DGLUCY: variants seen among roughly 807,000 people sequenced by gnomAD.
DGLUCY encodes D-glutamate cyclase.
A neutral mutation model predicts 58.5 loss-of-function variants in DGLUCY; 58 were observed. That is an observed-to-expected ratio of 0.99 (90% CI 0.80 to 1.23). The LOEUF (loss-of-function observed/expected upper bound fraction) is 1.23, where lower values mean the gene tolerates loss of function less well. Among genes scored for constraint, DGLUCY ranks in the 50% most tolerant of loss-of-function variants. DGLUCY has a pLI of 0.00. For missense variants in DGLUCY, 779 were observed against 784.7 expected, an observed-to-expected ratio of 0.99 and a Z score of 0.09; for synonymous variants, 325 against 314.1, an observed-to-expected ratio of 1.03 and a Z score of -0.37.
chr14:91,155,231 G>T (rs1387184994), intron 1 of DGLUCY, among the ~76,000 whole-genome samples: 1 of 152,214 alleles, frequency 6.6e-6, no homozygotes, highest in Non-Finnish European at 1.5e-5. Flanking sequence ...CTGTGAGTGT[G>T]GGCTGTGACT....
intron 5 of DGLUCY, 58 bp from the exon 6 acceptor site, chr14:91,173,231 A>T: frequency 6.3e-7 from 1 of 1,591,184 alleles, no homozygotes; most frequent in Non-Finnish European, 8.6e-7. Context: ...CAGAGCTTGG[A>T]TCTGTGCTAA....
chr14:91,224,584 A>G lies in DGLUCY; in HGVS notation c.1717-100A>G. On this transcript the variant is annotated intron_variant, in intron 13 of 13. Coordinates refer to ENST00000256324, the MANE Select transcript of DGLUCY (RefSeq NM_001102368.3). Reference sequence around the variant, plus strand: ...AATTTTACTTTTTTAAAAAGCAAGTATGTCAAGGCAAAGGATCCTTCTCAC... The same window carrying G: ...AATTTTACTTTTTTAAAAAGCAAGTGTGTCAAGGCAAAGGATCCTTCTCAC... The G allele has an allele frequency of 3.9e-6, 5 of 1,296,674 alleles. No individual in the cohort carries two copies. In the South Asian group the frequency reaches 6.8e-5, roughly 18 times the overall value. 80.3% of individuals were successfully genotyped at this position (1,296,674 alleles called of 1,614,324 possible). A position where few individuals can be genotyped will look rare whatever the true frequency, so the allele number is the denominator to read the frequency against.
intron 1 of DGLUCY, among the ~76,000 whole-genome samples, chr14:91,132,277 A>G (rs1323740511): frequency 6.6e-6 from 1 of 152,260 alleles, no homozygotes; most frequent in Non-Finnish European, 1.5e-5. Context: ...AATATTAATT[A>G]CTATGGGCAG....
intron 11 of DGLUCY, among the ~76,000 whole-genome samples, chr14:91,200,541 G>A (rs116453840): frequency 0.016 from 2,387 of 152,232 alleles, 26 homozygotes; most frequent in Admixed American, 0.024. Flanking sequence ...ATTTTGTGAA[G>A]CATGTTAATT....
rs34748911 is a variant in DGLUCY at position 91,224,730 on chromosome 14, G to A, written c.1763G>A (p.Gly588Asp). The A allele has an allele frequency of 1.9e-3, 3,055 of 1,613,314 alleles. 55 individuals carry two copies. The African/African-American group carries it at 0.036, about 19-fold the overall frequency. The change falls in exon 14 of 14, where the codon GGC becomes GAC. Residue 588 changes from glycine to aspartate, a missense_variant. Physicochemically the swap from Gly to Asp is moderately conservative, Grantham distance 94. Coordinates refer to ENST00000256324, the MANE Select transcript of DGLUCY (RefSeq NM_001102368.3). Reference protein sequence around the residue: ...GILVQHKVRSGVSGIVGMEVD... With the variant: ...GILVQHKVRSDVSGIVGMEVD... ...TTGGTGCAGCACAAAGTCCGGAGTGGCGTCTCGGGCATCGTGGGCATGGAG... is the reference window on the plus strand; with the variant it reads ...TTGGTGCAGCACAAAGTCCGGAGTGACGTCTCGGGCATCGTGGGCATGGAG...
chr14:91,215,885 A>G (rs1248881628), intron 13 of DGLUCY: 3 of 604,914 alleles, frequency 5.0e-6, no homozygotes, highest in African/African-American at 3.9e-5. Flanking sequence ...TGCCTCACCC[A>G]TGGTGGGTAC....
chr14:91,081,671 G>C (rs550922714), intron 1 of DGLUCY, among the ~76,000 whole-genome samples: 1 of 152,070 alleles, frequency 6.6e-6, no homozygotes, highest in Non-Finnish European at 1.5e-5. Context: ...TCCTTGCCTT[G>C]TGGCTCCTTT....
In DGLUCY at chr14:91,123,572, C is replaced by T. The variant is rs539874677; in HGVS notation, c.-82+9289C>T. Among the ~76,000 whole-genome samples, 12 of 152,092 alleles carry T rather than the reference C, an allele frequency of 7.9e-5. No individual in the cohort carries two copies. The South Asian group carries it at 2.5e-3, about 32-fold the overall frequency. On this transcript the variant is annotated intron_variant, in intron 1 of 13. Coordinates refer to ENST00000256324, the MANE Select transcript of DGLUCY (RefSeq NM_001102368.3). ...TGCATCAAGTTTAGGTCCATTGTAA[C>T]AGCACTTTAGGTTGTTTCTGATTAT...
At chr14:91,145,873 CTT>C (rs1266533703) in intron 1 of DGLUCY, among the ~76,000 whole-genome samples, 18 of 152,040 alleles carry the variant, frequency 1.2e-4, no homozygotes, top group Admixed American at 1.2e-3. Context: ...CCTTTTCCCT[CTT>C]TAATTTTCTT....
At chr14:91,217,576 C>G (rs767479318) in intron 13 of DGLUCY, among the ~76,000 whole-genome samples, 5 of 151,884 alleles carry the variant, frequency 3.3e-5, no homozygotes, top group African/African-American at 7.3e-5. Flanking sequence ...CCTCCACCCC[C>G]CAAGTTCAAG....
Position 91,202,545 on chromosome 14 carries a change from C to T in DGLUCY, c.1445-2161C>T, listed in dbSNP as rs148290853. Among the ~76,000 whole-genome samples, 1,029 of 152,262 alleles carry T rather than the reference C, an allele frequency of 6.8e-3. 7 individuals carry two copies. Among genetic ancestry groups the T allele is most frequent in the Non-Finnish European group, 0.011 (750 of 68,018 alleles). On this transcript the variant is annotated intron_variant, in intron 11 of 13. Coordinates refer to ENST00000256324, the MANE Select transcript of DGLUCY (RefSeq NM_001102368.3). ...GGCTGTGGGTGTGGTGCACACAGTG[C>T]GGTTGGCTTCCAGCTTCCTGTTGGC... is the stretch of plus-strand genomic sequence containing the variant.
chr14:91,154,700 C>T (rs35016693), intron 1 of DGLUCY, among the ~76,000 whole-genome samples: 62,149 of 152,016 alleles, frequency 0.41, 15,539 homozygotes, highest in East Asian at 0.77. Flanking sequence ...CTCTGCCCTG[C>T]GCTCCCATCT....
chr14:91,100,956 A>C (rs1185400007), intron 1 of DGLUCY, among the ~76,000 whole-genome samples: 2 of 152,058 alleles, frequency 1.3e-5, no homozygotes, highest in Non-Finnish European at 2.9e-5. Flanking sequence ...CTATGGTCCC[A>C]GCTGCTCGGG....
intron 11 of DGLUCY, among the ~76,000 whole-genome samples, chr14:91,200,664 C>T (rs1403955874): frequency 6.6e-6 from 1 of 152,012 alleles, no homozygotes; most frequent in Non-Finnish European, 1.5e-5. Context: ...GCAGCCTCCA[C>T]CTCCTGGGCT....
chr14:91,114,247 C>G lies in DGLUCY; in HGVS notation c.-118C>G, dbSNP rs2044771312. 1 of 152,360 alleles carries G rather than the reference C, an allele frequency of 6.6e-6. No individual in the cohort carries two copies. The highest frequency in any genetic ancestry group is 1.5e-5 in the Non-Finnish European group (1 of 68,160). 9.4% of individuals were successfully genotyped at this position (152,360 alleles called of 1,614,324 possible). On this transcript the variant is annotated 5_prime_UTR_variant, in exon 1 of 14. Transcript: ENST00000256324. ...AAGGCCGTGGAAACAAAGGGAGGAA[C>G]TGTTTGTAGCCCTCGTCCAGACGCC...
At chr14:91,196,692 T>TC (rs1259609948) in intron 10 of DGLUCY, among the ~76,000 whole-genome samples, 1 of 139,520 alleles carries the variant, frequency 7.2e-6, no homozygotes, top group Non-Finnish European at 1.5e-5. Context: ...AACAGGTCCC[T>TC]GGGCAGCAGA....
At chr14:91,172,030 T>G (rs560351579) in intron 5 of DGLUCY, among the ~76,000 whole-genome samples, 2 of 152,314 alleles carry the variant, frequency 1.3e-5, no homozygotes, top group Non-Finnish European at 2.9e-5. Context: ...AGTACGTTTT[T>G]CTTTTCCCTT....
intron 1 of DGLUCY, among the ~76,000 whole-genome samples, chr14:91,068,041 G>A (rs2043851524): frequency 6.6e-6 from 1 of 151,294 alleles, no homozygotes; most frequent in Non-Finnish European, 1.5e-5. Flanking sequence ...TGAGAAGGTT[G>A]GGAATGTACT....
intron 1 of DGLUCY, among the ~76,000 whole-genome samples, chr14:91,079,503 G>A (rs982735944): frequency 6.6e-6 from 1 of 152,014 alleles, no homozygotes; most frequent in African/African-American, 2.4e-5. Context: ...ACAGGTGCCT[G>A]CCACCCCACC....
Sources: allele counts gnomAD v4.1 joint callset (sites outside exome capture counted in the v4.1 genomes callset), GRCh38; gene constraint gnomAD v4.1.1; transcripts MANE v1.5; gene names NCBI Gene and HGNC (gene_info 2026-07-23, HGNC 2026-07-21).